Variants in SLC9A9 observed in about 807,000 individuals in gnomAD.
SLC9A9 encodes the protein solute carrier family 9 member A9.
SLC9A9 carries 62 observed loss-of-function variants against 77.8 expected under a neutral mutation model. The observed-to-expected ratio is 0.80, with a 90% CI of 0.65 to 0.98. The LOEUF is 0.98. Among genes scored for constraint, SLC9A9 ranks in the 50% least tolerant of loss-of-function variants. The pLI is 0.00. For synonymous variants in SLC9A9, 320 were observed against 283.5 expected (o/e 1.13, Z -1.29); for missense variants, 775 against 774.9 (o/e 1.00, Z 0.00).
intron 4 of SLC9A9, 83 bp downstream of exon 4, chr3:143,794,918 C>T: frequency 3.2e-6 from 4 of 1,268,206 alleles, no homozygotes; most frequent in Non-Finnish European, 4.6e-6. Flanking sequence ...TCCCAGCCAG[C>T]AAGAATCCTG....
At chr3:143,277,696 T>C (rs1011812466) in intron 14 of SLC9A9, among the ~76,000 whole-genome samples, 2 of 152,212 alleles carry the variant, frequency 1.3e-5, no homozygotes, top group South Asian at 2.1e-4. Flanking sequence ...GCCACTTGCA[T>C]AGAGTGAGCC....
chr3:143,595,111 A>G (rs534163758), intron 6 of SLC9A9, among the ~76,000 whole-genome samples: 1 of 152,172 alleles, frequency 6.6e-6, no homozygotes, highest in Non-Finnish European at 1.5e-5. Flanking sequence ...TTTTGAATGC[A>G]TGATTTCTGT....
At chr3:143,302,552 G>C (rs950951832) in intron 14 of SLC9A9, among the ~76,000 whole-genome samples, 1 of 151,912 alleles carries the variant, frequency 6.6e-6, no homozygotes, top group Admixed American at 6.6e-5. Flanking sequence ...GAGGAGGAGA[G>C]AGCCCCTGAA....
intron 12 of SLC9A9, among the ~76,000 whole-genome samples, chr3:143,411,855 T>TCTATCAGA (rs1390678073): frequency 6.6e-6 from 1 of 152,136 alleles, no homozygotes; most frequent in Admixed American, 6.5e-5. Context: ...GTTGGGGTAT[T>TCTATCAGA]CTATCAGACA....
At chr3:143,590,094 C>T (rs182238821) in intron 6 of SLC9A9, among the ~76,000 whole-genome samples, 1 of 152,250 alleles carries the variant, frequency 6.6e-6, no homozygotes, top group African/African-American at 2.4e-5. Context: ...AAACTATATC[C>T]CATATCTCCT....
At chr3:143,638,233 C>T (rs1327382175) in intron 6 of SLC9A9, among the ~76,000 whole-genome samples, 1 of 152,182 alleles carries the variant, frequency 6.6e-6, no homozygotes, top group Non-Finnish European at 1.5e-5. Flanking sequence ...ATAGCATGCT[C>T]ACCTTAATGT....
intron 12 of SLC9A9, among the ~76,000 whole-genome samples, chr3:143,420,156 G>C (rs2108526788): frequency 6.6e-6 from 1 of 152,314 alleles, no homozygotes; most frequent in African/African-American, 2.4e-5. Context: ...CTTGCACATT[G>C]GGTCCAATCT....
At chr3:143,812,590 T>G (rs1486130836) in intron 2 of SLC9A9, among the ~76,000 whole-genome samples, 1 of 152,188 alleles carries the variant, frequency 6.6e-6, no homozygotes, top group African/African-American at 2.4e-5. Flanking sequence ...TTCCTTGTAG[T>G]CAGGTGGGAC....
intron 5 of SLC9A9, among the ~76,000 whole-genome samples, chr3:143,679,703 A>G (rs1397448760): frequency 1.3e-5 from 2 of 152,210 alleles, no homozygotes; most frequent in African/African-American, 2.4e-5. Flanking sequence ...CGTATTGCCA[A>G]TTCAATAGTT....
intron 11 of SLC9A9, among the ~76,000 whole-genome samples, chr3:143,480,334 G>A (rs1349210653): frequency 6.6e-6 from 1 of 152,200 alleles, no homozygotes; most frequent in Non-Finnish European, 1.5e-5. Flanking sequence ...ACAGTTCTAA[G>A]CTATTTCTCA....
intron 12 of SLC9A9, among the ~76,000 whole-genome samples, chr3:143,391,481 C>A (rs1270469011): frequency 1.3e-5 from 2 of 152,140 alleles, no homozygotes; most frequent in Non-Finnish European, 2.9e-5. Context: ...CAAAGGTAGA[C>A]AAAACCACAA....
intron 12 of SLC9A9, among the ~76,000 whole-genome samples, chr3:143,419,809 T>A (rs986118886): frequency 6.6e-6 from 1 of 151,992 alleles, no homozygotes; most frequent in Non-Finnish European, 1.5e-5. Flanking sequence ...AAAGAACAGG[T>A]TGATGATGCT....
intron 2 of SLC9A9, chr3:143,811,705 CA>C (rs886339730): frequency 1.1e-5 from 5 of 453,978 alleles, no homozygotes; most frequent in South Asian, 4.7e-5. Context: ...AACAAAAAAA[CA>C]AAAAAATTAG....
intron 14 of SLC9A9, among the ~76,000 whole-genome samples, chr3:143,324,224 G>A (rs2031507659): frequency 6.7e-6 from 1 of 148,564 alleles, no homozygotes; most frequent in Admixed American, 6.6e-5. Context: ...GTGGGAGCAA[G>A]GTGGGGTCAT....
At chr3:143,552,831 C>G (rs371103716) in intron 8 of SLC9A9, among the ~76,000 whole-genome samples, 1 of 152,172 alleles carries the variant, frequency 6.6e-6, no homozygotes, top group Non-Finnish European at 1.5e-5. Context: ...ATACTAAATA[C>G]TGGCATATTT....
At chr3:143,720,905 A>G (rs1234860531) in intron 4 of SLC9A9, among the ~76,000 whole-genome samples, 1 of 151,556 alleles carries the variant, frequency 6.6e-6, no homozygotes, top group Admixed American at 6.6e-5. Flanking sequence ...ATTCTTAAGT[A>G]TTTTCCTTAA....
intron 9 of SLC9A9, among the ~76,000 whole-genome samples, chr3:143,535,715 C>G (rs2036579491): frequency 1.3e-5 from 2 of 152,006 alleles, no homozygotes; most frequent in Admixed American, 1.3e-4. Flanking sequence ...CAATTCGTAA[C>G]CCAAATATAT....
intron 11 of SLC9A9, among the ~76,000 whole-genome samples, chr3:143,483,808 G>C (rs957957896): frequency 2.0e-5 from 3 of 152,142 alleles, no homozygotes; most frequent in African/African-American, 7.2e-5. Flanking sequence ...CACTGACCAA[G>C]ACAGAAATTT....
At chr3:143,651,672 A>G (rs1394354786) in intron 6 of SLC9A9, among the ~76,000 whole-genome samples, 1 of 152,224 alleles carries the variant, frequency 6.6e-6, no homozygotes, top group East Asian at 1.9e-4. Flanking sequence ...GGAGGTAAGG[A>G]AAGAGCACTG....
Sources: allele counts gnomAD v4.1 joint callset (sites outside exome capture counted in the v4.1 genomes callset), GRCh38; gene constraint gnomAD v4.1.1; transcripts MANE v1.5; gene names NCBI Gene and HGNC (gene_info 2026-07-23, HGNC 2026-07-21).